The following NBPF3 variants were observed in gnomAD, a reference collection of about 807,000 sequenced individuals.
NBPF3 encodes the protein NBPF family member NBPF3.
NBPF3 carries 57 observed loss-of-function variants against 78.1 expected under a neutral mutation model. The ratio of observed to expected loss-of-function variants is 0.73; its 90% confidence interval spans 0.59 to 0.91. The LOEUF (loss-of-function observed/expected upper bound fraction) is 0.91, where lower values mean the gene tolerates loss of function less well. Among genes scored for constraint, NBPF3 ranks in the 40% least tolerant of loss-of-function variants. The pLI is 0.00. For missense variants in NBPF3, 510 were observed against 715.3 expected (o/e 0.71, Z 3.27); for synonymous variants, 182 against 271.7 (o/e 0.67, Z 3.25).
intron 2 of NBPF3, among the ~76,000 whole-genome samples, chr1:21,445,808 T>G (rs1033886636): frequency 6.6e-6 from 1 of 152,188 alleles, no homozygotes; most frequent in Non-Finnish European, 1.5e-5. Flanking sequence ...ACTTAGAATT[T>G]ATGGGCCACA....
At chr1:21,459,597 G>A (rs975905755) in intron 2 of NBPF3, among the ~76,000 whole-genome samples, 6 of 152,114 alleles carry the variant, frequency 3.9e-5, no homozygotes, top group African/African-American at 1.2e-4. Context: ...AATGGTATAT[G>A]TGTGTATGAG....
intron 2 of NBPF3, 107 bp from the exon 3 acceptor site, chr1:21,468,581 C>T: frequency 1.3e-6 from 2 of 1,591,256 alleles, no homozygotes; most frequent in Non-Finnish European, 1.7e-6. Context: ...ACATTTTTCT[C>T]AACAGTAAGT....
intron 2 of NBPF3, among the ~76,000 whole-genome samples, chr1:21,450,895 G>A (rs1243144167): frequency 1.3e-5 from 2 of 152,186 alleles, no homozygotes; most frequent in Non-Finnish European, 2.9e-5. Flanking sequence ...AGTGATTCTA[G>A]TTCAAAATGA....
intron 9 of NBPF3, 41 bp from the exon 10 acceptor site, chr1:21,479,308 A>G (rs745950575): frequency 1.9e-6 from 3 of 1,599,272 alleles, no homozygotes; most frequent in Non-Finnish European, 2.6e-6. Context: ...TGCAAGGAAG[A>G]ACTGCTTCAT....
rs530912564 is a variant in NBPF3, at chr1:21,445,395, C to T, written c.133+176C>T. Among the ~76,000 whole-genome samples the T allele has an allele frequency of 7.2e-5, 11 of 152,306 alleles. No individual in the cohort carries two copies. The East Asian group carries it at 7.7e-4, about 11-fold the overall frequency. On this transcript the variant is annotated intron_variant, in intron 2 of 14. Coordinates refer to ENST00000318249, the MANE Select transcript of NBPF3 (RefSeq NM_032264.6). ...ATGAACAAATATCCACAGCCTGTGC[C>T]GCCCATGGCCTGCAGTGCCGTGGTC...
intron 2 of NBPF3, among the ~76,000 whole-genome samples, chr1:21,456,433 C>G (rs993256264): frequency 6.6e-6 from 1 of 152,024 alleles, no homozygotes; most frequent in Non-Finnish European, 1.5e-5. Flanking sequence ...TAATTATATA[C>G]TTTAATGATT....
rs569880818 is a variant in NBPF3, at chr1:21,450,337, A to G, written c.133+5118A>G. 1.5e-4 allele frequency among the ~76,000 whole-genome samples: 23 copies of G among 152,302 alleles called. No homozygotes were observed. The South Asian group carries it at 1.9e-3, about 12-fold the overall frequency. ...CTGTCTTTTCCATCATCAACCAATA[A>G]CAACTCATGGAGTCCTTCTCAAGCT... On this transcript the variant is annotated intron_variant, in intron 2 of 14. Coordinates refer to ENST00000318249, the MANE Select transcript of NBPF3 (RefSeq NM_032264.6).
At position 21,451,700 on chromosome 1, in the gene NBPF3, G is replaced by C. The variant is rs1378863230; in HGVS notation, c.133+6481G>C. On this transcript the variant is annotated intron_variant, in intron 2 of 14. Transcript: ENST00000318249. ...ATAGTGGGTCCTGGGGTCATGGTGA[G>C]AAAGTGTCTCTTTGGTAAAACCTTT... 17 of 175,966 alleles carry C rather than the reference G, an allele frequency of 9.7e-5. No individual in the cohort carries two copies. The Admixed American group carries it at 1.1e-3, about 11-fold the overall frequency. 10.9% of individuals were successfully genotyped at this position (175,966 alleles called of 1,614,324 possible).
intron 2 of NBPF3, chr1:21,466,267 A>G (rs1225783721): frequency 1.1e-4 from 21 of 191,550 alleles, no homozygotes; most frequent in Non-Finnish European, 1.6e-4. Flanking sequence ...AATCCAAACT[A>G]ATAACACACT....
intron 9 of NBPF3, among the ~76,000 whole-genome samples, chr1:21,479,030 A>G (rs553207579): frequency 3.3e-5 from 5 of 152,382 alleles, no homozygotes; most frequent in East Asian, 1.9e-4. Flanking sequence ...ATATTGCAGT[A>G]TCTCTCCTAT....
chr1:21,467,334 A>C (rs1642330891), intron 2 of NBPF3: 21 of 985,338 alleles, frequency 2.1e-5, no homozygotes, highest in Non-Finnish European at 2.5e-5. Context: ...CAATCTTAGG[A>C]GACCTGGGCT....
At chr1:21,452,233 T>C (rs917117242) in intron 2 of NBPF3, among the ~76,000 whole-genome samples, 8 of 152,178 alleles carry the variant, frequency 5.3e-5, no homozygotes, top group Admixed American at 5.2e-4. Context: ...TTTATATACA[T>C]ATAAAATGAG....
chr1:21,470,622 C>T lies in NBPF3; in HGVS notation c.344-10C>T, dbSNP rs777466979. The T allele has an allele frequency of 6.3e-7, 1 of 1,584,056 alleles. No individual in the cohort carries two copies. The highest frequency in any genetic ancestry group is 8.6e-7 in the Non-Finnish European group (1 of 1,159,676). On this transcript the variant is annotated splice_polypyrimidine_tract_variant and intron_variant, in intron 3 of 14. Coordinates refer to ENST00000318249, the MANE Select transcript of NBPF3 (RefSeq NM_032264.6). ...CTTTCACTGAGGCAGGCGTGTGTGT[C>T]TTTTCTCAGACTATGAAGACTGCAA...
intron 8 of NBPF3, among the ~76,000 whole-genome samples, chr1:21,475,760 G>A (rs1642857577): frequency 6.6e-6 from 1 of 152,182 alleles, no homozygotes; most frequent in African/African-American, 2.4e-5. Context: ...TTGGTTTGGG[G>A]TGGAGAGTTC....
rs567015635 is a variant in NBPF3 at position 21,468,682 on chromosome 1, C to G, written c.134-6C>G. The G allele has an allele frequency of 6.2e-7, 1 of 1,612,764 alleles. No homozygotes were observed. The highest frequency in any genetic ancestry group is 1.1e-5 in the South Asian group (1 of 91,046). ...CCCATCGTGTGTTTGGGTGTCTTCT[C>G]CCCAGTCCCTGGCCCCACCTCTTCT... is the stretch of plus-strand genomic sequence containing the variant. On this transcript the variant is annotated splice_polypyrimidine_tract_variant and splice_region_variant and intron_variant, in intron 2 of 14. Transcript: ENST00000318249.
chr1:21,472,921 G>T lies in NBPF3; in HGVS notation c.734+6G>T, dbSNP rs78430674. ...CAGGAATTATATGCCCCCAGGTAAC[G>T]CTGAATAATCGGGAGCAAGTAATGG... On this transcript the variant is annotated splice_donor_region_variant and intron_variant, in intron 6 of 14. Transcript: ENST00000318249. 2.7e-5 allele frequency: 43 copies of T among 1,603,286 alleles called. No individual in the cohort carries two copies. The highest frequency in any genetic ancestry group is 3.6e-5 in the Non-Finnish European group (42 of 1,170,304).
intron 2 of NBPF3, among the ~76,000 whole-genome samples, chr1:21,451,471 T>C (rs1160012177): frequency 6.6e-6 from 1 of 152,226 alleles, no homozygotes; most frequent in Non-Finnish European, 1.5e-5. Context: ...TTTTGCCCCT[T>C]CCAAAGAGGC....
intron 2 of NBPF3, among the ~76,000 whole-genome samples, chr1:21,462,275 A>G (rs1641993359): frequency 6.6e-6 from 1 of 152,212 alleles, no homozygotes; most frequent in East Asian, 1.9e-4. Context: ...TATATTCTTC[A>G]TTTGGGGAAT....
chr1:21,481,387 CCTCTGTCT>C (rs200166141), intron 12 of NBPF3, among the ~76,000 whole-genome samples: 95,298 of 145,702 alleles, frequency 0.65, 31,886 homozygotes, highest in South Asian at 0.85. Context: ...TCTCTCTCTG[CCTCTGTCT>C]CTCTGTCTCT....
Sources: allele counts gnomAD v4.1 joint callset (sites outside exome capture counted in the v4.1 genomes callset), GRCh38; gene constraint gnomAD v4.1.1; transcripts MANE v1.5; gene names NCBI Gene and HGNC (gene_info 2026-07-23, HGNC 2026-07-21).